Variants in CGREF1 observed in about 807,000 individuals in gnomAD.
CGREF1 encodes the protein cell growth regulator with EF-hand domain 1, also known as cell growth regulator with EF hand domain protein 1.
CGREF1 carries 16 observed loss-of-function variants against 17.4 expected under a neutral mutation model. The ratio of observed to expected loss-of-function variants is 0.92; its 90% CI spans 0.62 to 1.40. CGREF1 has a LOEUF of 1.40. CGREF1 is among the 40% of genes most tolerant of loss of function. CGREF1 has a pLI of 0.00. For missense variants in CGREF1, 296 were observed against 376.4 expected (o/e 0.79, Z 1.77); for synonymous variants, 142 against 154.6 (o/e 0.92, Z 0.61).
Position 27,101,293 on chromosome 2 carries a change from A to T in CGREF1, c.938T>A (p.Val313Glu). The stretch of plus-strand genomic sequence containing the variant: ...CAAGATCTAGATCTCATCATTCTCC[A>T]CTTGAACAATGTGCACCTCAAAGTC... ...QNDFEVHIVQ[V>E]ENDEI The change falls in exon 6 of 6, where the codon GTG (valine) becomes GAG (glutamate). Residue 313 changes from valine to glutamate, a missense_variant. This residue lies in a region of CGREF1 where 40 missense variants were observed against 40.8 expected (regional missense o/e 0.98). Transcript: ENST00000402394. The T allele has an allele frequency of 1.3e-6, 2 of 1,566,890 alleles. No homozygotes were observed. The highest frequency in any genetic ancestry group is 1.7e-6 in the Non-Finnish European group (2 of 1,156,112).
chr2:27,110,706 C>G (rs1671336962), intron 1 of CGREF1: 1 of 161,786 alleles, frequency 6.2e-6, no homozygotes, highest in Admixed American at 6.5e-5. Context: ...TTGGTGGGTT[C>G]TTGGTCTCAC....
chr2:27,102,167 C>A lies in CGREF1; in HGVS notation c.272G>T (p.Gly91Val), dbSNP rs759670419. The change falls in exon 5 of 6, where the codon GGC becomes GTC. Residue 91 changes from glycine to valine, a missense_variant. This residue lies in a region of CGREF1 where 247 missense variants were observed against 267.2 expected (regional missense o/e 0.92). Transcript: ENST00000402394. Reference sequence around the variant, plus strand: ...TGTCAACATGGACAGCAGCTCCAGGCCATCCAGCTGTCCACTCTGGTCATA... The same window carrying A: ...TGTCAACATGGACAGCAGCTCCAGGACATCCAGCTGTCCACTCTGGTCATA... Reference protein sequence around the residue: ...HDYDQSGQLDGLELLSMLTAA... With the variant: ...HDYDQSGQLDVLELLSMLTAA... The A allele has an allele frequency of 1.2e-6, 2 of 1,612,622 alleles. No individual in the cohort carries two copies. Among genetic ancestry groups the A allele is most frequent in the Non-Finnish European group, 1.7e-6 (2 of 1,178,804 alleles).
intron 1 of CGREF1, among the ~76,000 whole-genome samples, chr2:27,109,241 G>C (rs985682750): frequency 6.6e-6 from 1 of 151,886 alleles, no homozygotes; most frequent in Non-Finnish European, 1.5e-5. Flanking sequence ...GCATGGTGGG[G>C]TGTGCCTGTA....
At chr2:27,107,398 G>T (rs1410158428) in intron 1 of CGREF1, among the ~76,000 whole-genome samples, 1 of 151,976 alleles carries the variant, frequency 6.6e-6, no homozygotes, top group East Asian at 1.9e-4. Flanking sequence ...GGGATTACAG[G>T]CATGTGCCAC....
chr2:27,105,380 A>T (rs554699586), intron 1 of CGREF1, among the ~76,000 whole-genome samples: 1 of 152,294 alleles, frequency 6.6e-6, no homozygotes, highest in South Asian at 2.1e-4. Context: ...CACTGCCAGG[A>T]TGGACTTCCA....
In CGREF1 at chr2:27,100,806, AT is replaced by A; in HGVS notation, c.*467del. On this transcript the variant is annotated 3_prime_UTR_variant, in exon 6 of 6. Transcript: ENST00000402394. ...CTAGTGATGATTAATATTACTGGGG[AT>A]GGGGTCACCTGCCCTGAGCTGCAGG... is the stretch of plus-strand genomic sequence containing the variant. The A allele has an allele frequency of 8.9e-7, 1 of 1,118,026 alleles. No homozygotes were observed. Among genetic ancestry groups the A allele is most frequent in the Non-Finnish European group, 1.1e-6 (1 of 906,956 alleles). 69.3% of individuals were successfully genotyped at this position (1,118,026 alleles called of 1,614,324 possible).
chr2:27,102,639 G>A, intron 2 of CGREF1, 48 bp from the exon 3 acceptor site: 1 of 1,551,328 alleles, frequency 6.4e-7, no homozygotes, highest in Non-Finnish European at 8.8e-7. Context: ...CTCCCTCAGG[G>A]CCCAGCCTGC....
intron 1 of CGREF1, among the ~76,000 whole-genome samples, chr2:27,108,882 T>G (rs537279078): frequency 6.6e-6 from 1 of 151,754 alleles, no homozygotes; most frequent in South Asian, 2.1e-4. Flanking sequence ...GGCATGATCA[T>G]AGCAATTCTC....
chr2:27,103,102 G>A lies in CGREF1; in HGVS notation c.81-511C>T, dbSNP rs963437904. 1.9e-5 allele frequency: 19 copies of A among 985,198 alleles called. No individual in the cohort carries two copies. In the South Asian group the frequency reaches 2.3e-4, roughly 12 times the overall value. 61.0% of individuals were successfully genotyped at this position (985,198 alleles called of 1,614,324 possible). A position where few individuals can be genotyped will look rare whatever the true frequency, so the allele number is the denominator to read the frequency against. ...GGGGTTTCAAGCTGCTCAGGATCTC[G>A]TTGTCAGTCTTTCAAGCTCCAAATG... On this transcript the variant is annotated intron_variant, in intron 2 of 5. Transcript: ENST00000402394.
At chr2:27,104,502 C>A in intron 1 of CGREF1, 125 bp from the exon 2 acceptor site, 1 of 1,551,588 alleles carries the variant, frequency 6.4e-7, no homozygotes, top group South Asian at 1.2e-5. Flanking sequence ...AGACAGGACT[C>A]CTGCTCAGGG....
downstream of CGREF1, chr2:27,099,729 G>A (rs1213238194): frequency 1.9e-6 from 3 of 1,614,022 alleles, no homozygotes; most frequent in Admixed American, 1.7e-5. Context: ...GTGGCCTGCA[G>A]GGCTTTGATG....
chr2:27,099,635 G>A, downstream of CGREF1: 1 of 1,614,114 alleles, frequency 6.2e-7, no homozygotes, highest in Non-Finnish European at 8.5e-7. Flanking sequence ...CCAAACACCT[G>A]GCTGACCTAG....
intron 1 of CGREF1, among the ~76,000 whole-genome samples, chr2:27,111,988 A>G (rs1242356948): frequency 6.6e-6 from 1 of 152,236 alleles, no homozygotes; most frequent in African/African-American, 2.4e-5. Context: ...GGCGCCGAGA[A>G]CGAGCGAGGG....
chr2:27,116,775 G>C (rs1433511785), intron 1 of CGREF1, among the ~76,000 whole-genome samples: 4 of 151,156 alleles, frequency 2.6e-5, no homozygotes, highest in Non-Finnish European at 5.9e-5. Flanking sequence ...CGGCATCTTG[G>C]CCAGGCTGGT....
At chr2:27,113,580 A>C (rs140117202) in intron 1 of CGREF1, among the ~76,000 whole-genome samples, 9 of 152,238 alleles carry the variant, frequency 5.9e-5, no homozygotes, top group African/African-American at 2.2e-4. Context: ...GGTACGGCCC[A>C]AAGTTGGGGG....
Position 27,101,690 on chromosome 2 carries a change from T to C in CGREF1, c.541A>G (p.Thr181Ala), listed in dbSNP as rs1157225468. 6.2e-6 allele frequency: 10 copies of C among 1,614,096 alleles called. No homozygotes were observed. The highest frequency in any genetic ancestry group is 8.5e-6 in the Non-Finnish European group (10 of 1,180,048). Residue 181 changes from threonine to alanine, a missense_variant, in exon 6 of 6, where the codon ACA becomes GCA. Thr to Ala is a moderately conservative substitution (Grantham distance 58, BLOSUM62 0). Coordinates refer to ENST00000402394, the MANE Select transcript of CGREF1 (RefSeq NM_006569.6). The stretch of plus-strand genomic sequence containing the variant: ...TCTCTGGGACCAGGGGCTTCCTGTG[T>C]TTCTTGTCTTAATGGGCTTTTAGCT... ...LLAKSPLRQE[T>A]QEAPGPREEA... is the part of the protein sequence containing the mutation.
Position 27,102,124 on chromosome 2 carries a change from T to C in CGREF1, c.315A>G (p.Gly105=). Residue 105 remains glycine, a synonymous_variant, in exon 5 of 6, where the codon GGA becomes GGG. Coordinates refer to ENST00000402394, the MANE Select transcript of CGREF1 (RefSeq NM_006569.6). ...GGTTGGTGGTAGGAGAGTTGGCAGC[T>C]CCAGGGGCCAGAGCAGCTGTCAACA... ...LSMLTAALAP[G]AANSPTTNPV... 5 of 1,608,746 alleles carry C rather than the reference T, an allele frequency of 3.1e-6. No individual in the cohort carries two copies. Among genetic ancestry groups the C allele is most frequent in the Non-Finnish European group, 4.3e-6 (5 of 1,175,696 alleles).
At chr2:27,102,058 G>A (rs1670896958) in intron 5 of CGREF1, 39 bp downstream of exon 5, 5 of 1,579,252 alleles carry the variant, frequency 3.2e-6, no homozygotes, top group South Asian at 1.1e-5. Context: ...AAAGTGCTGG[G>A]TCTCCTTTAT....
downstream of CGREF1, chr2:27,099,784 CTA>C (rs1354678558): frequency 1.2e-6 from 2 of 1,608,988 alleles, no homozygotes; most frequent in East Asian, 4.5e-5. Flanking sequence ...ACCATGGAGA[CTA>C]CCATTGCGGC....
Sources: gnomAD v4.1 joint callset for allele counts (sites outside exome capture counted in the v4.1 genomes callset) on GRCh38, gnomAD v4.1.1 for gene constraint, gnomAD v4.1.1 regional missense constraint, MANE v1.5 for transcripts, NCBI Gene and HGNC (gene_info 2026-07-23, HGNC 2026-07-21) for gene names.